The following DYNC2H1 variants were observed in gnomAD, a reference collection of about 807,000 sequenced individuals.
DYNC2H1 encodes dynein cytoplasmic 2 heavy chain 1.
A neutral mutation model predicts 570.0 loss-of-function variants in DYNC2H1; 410 were observed. That is an observed-to-expected ratio of 0.72 (90% confidence interval 0.66 to 0.78). DYNC2H1 has a LOEUF of 0.78. Among genes scored for constraint, DYNC2H1 ranks in the 30% least tolerant of loss-of-function variants. The probability of loss-of-function intolerance (pLI) is 0.00; values close to 1 mark genes in which losing one functional copy is unlikely to be tolerated. For synonymous variants in DYNC2H1, 1,688 were observed against 1,677.6 expected (o/e 1.01, Z -0.15); for missense variants, 4,865 against 5,046.4 (o/e 0.96, Z 1.09).
In DYNC2H1 at chr11:103,416,104, A is replaced by T. The variant is rs116831991; in HGVS notation, c.12366+16232A>T. Among the ~76,000 whole-genome samples the T allele has an allele frequency of 5.6e-3, 856 of 152,304 alleles. 6 individuals are homozygous for T. Among genetic ancestry groups the T allele is most frequent in the African/African-American group, 0.02 (817 of 41,560 alleles). ...TCATAGGTGGGAATTGAACATTGAA[A>T]TCACCTGGACACAGGAAGGGAACCA... On this transcript the variant is annotated intron_variant, in intron 84 of 88. Coordinates refer to ENST00000375735, the MANE Select transcript of DYNC2H1 (RefSeq NM_001377.3).
chr11:103,206,757 C>T (rs1862941354), intron 52 of DYNC2H1, among the ~76,000 whole-genome samples: 1 of 152,048 alleles, frequency 6.6e-6, no homozygotes, highest in Non-Finnish European at 1.5e-5. Context: ...TCGTTGGTGA[C>T]TTTGATGGAG....
chr11:103,190,366 A>C (rs986003420), intron 45 of DYNC2H1, among the ~76,000 whole-genome samples: 1 of 152,212 alleles, frequency 6.6e-6, no homozygotes, highest in African/African-American at 2.4e-5. Context: ...TCGCAGTCTA[A>C]TGAGGGGCTG....
At chr11:103,130,100 A>G (rs1266713203) in intron 13 of DYNC2H1, among the ~76,000 whole-genome samples, 3 of 152,202 alleles carry the variant, frequency 2.0e-5, no homozygotes, top group African/African-American at 7.2e-5. Flanking sequence ...TATTTTTTGC[A>G]GCAACAAATT....
chr11:103,454,941 T>G (rs1944734209), intron 85 of DYNC2H1: 1 of 414,884 alleles, frequency 2.4e-6, no homozygotes, highest in Non-Finnish European at 4.3e-6. Flanking sequence ...TTTTGGACTT[T>G]TTATTTTGAG....
rs1412045879 is a variant in DYNC2H1 at position 103,319,642 on chromosome 11, ATTTGT to A, written c.11726-1382_11726-1378del. 3.9e-5 allele frequency among the ~76,000 whole-genome samples: 6 copies of A among 152,182 alleles called. No homozygotes were observed. Among genetic ancestry groups the A allele is most frequent in the Non-Finnish European group, 5.9e-5 (4 of 68,010 alleles). On this transcript the variant is annotated intron_variant, in intron 80 of 88. Transcript: ENST00000375735. The surrounding 1 kb of genome is among the most constrained non-coding windows in gnomAD (Gnocchi z 4.3). ...TTTATTTTATCCTGAACAACATAAA[ATTTGT>A]TTTGAGAAAAATAGGTAGAAAAAAA... is the stretch of plus-strand genomic sequence containing the variant.
intron 52 of DYNC2H1, among the ~76,000 whole-genome samples, chr11:103,207,406 C>A (rs746815696): frequency 6.6e-6 from 1 of 151,750 alleles, no homozygotes; most frequent in Non-Finnish European, 1.5e-5. Flanking sequence ...AATTAAGGAT[C>A]GGCATTTCCT....
intron 84 of DYNC2H1, among the ~76,000 whole-genome samples, chr11:103,413,871 T>TAATAGAATACA (rs1427639671): frequency 2.0e-5 from 3 of 152,238 alleles, no homozygotes; most frequent in Non-Finnish European, 4.4e-5. Flanking sequence ...CATCCCAAGT[T>TAATAGAATACA]AATAGAATAC....
Position 103,133,790 on chromosome 11 carries a change from T to G in DYNC2H1, c.2106+83T>G. ...AAGATACAATTTTTAAAAACTTATT[T>G]TGAAATAATTTGAGACTTAAAGTTA... is the stretch of plus-strand genomic sequence containing the variant. On this transcript the variant is annotated intron_variant, in intron 14 of 88. Transcript: ENST00000375735. The surrounding 1 kb of genome is among the most constrained non-coding windows in gnomAD (Gnocchi z 4.8). 1 of 1,355,518 alleles carries G rather than the reference T, an allele frequency of 7.4e-7. No individual in the cohort carries two copies. The allele number at this position is 1,355,518 out of a possible 1,614,324, so 84.0% of individuals were successfully genotyped here. A position where few individuals can be genotyped will look rare whatever the true frequency, so the allele number is the denominator to read the frequency against.
At chr11:103,452,341 A>ATT (rs397954360) in intron 85 of DYNC2H1, among the ~76,000 whole-genome samples, 189 of 148,760 alleles carry the variant, frequency 1.3e-3, no homozygotes, top group East Asian at 2.9e-3. Flanking sequence ...GAATCACTTA[A>ATT]TTTTTTTTTT....
rs754990231 is a variant in DYNC2H1, at chr11:103,109,534, TCCTTCCC to T, written c.-31_-25del. On this transcript the variant is annotated 5_prime_UTR_variant, in exon 1 of 89. Transcript: ENST00000375735. ...ACTTCCCTCCGGACTGGTTTCTTCT[TCCTTCCC>T]CCTTCCCCCAACTTCCCTCCACCCC... is the stretch of plus-strand genomic sequence containing the variant. 408 of 1,585,262 alleles carry T rather than the reference TCCTTCCC, an allele frequency of 2.6e-4. No homozygotes were observed. Among genetic ancestry groups the T allele is most frequent in the Non-Finnish European group, 3.3e-4 (384 of 1,160,928 alleles).
In DYNC2H1 at chr11:103,201,005, T is replaced by A. The variant is rs1862698340; in HGVS notation, c.8197+851T>A. On this transcript the variant is annotated intron_variant, in intron 50 of 88. Coordinates refer to ENST00000375735, the MANE Select transcript of DYNC2H1 (RefSeq NM_001377.3). This position sits in a 1 kb window ranked among gnomAD's most constrained non-coding sequence, Gnocchi z 4.8. ...CCATGCCTGGCTAATTTTTGTAATT[T>A]TAGTAGAAACAGGGTTTCACCATGT... Among the ~76,000 whole-genome samples, 1 of 152,040 alleles carries A rather than the reference T, an allele frequency of 6.6e-6. No individual in the cohort carries two copies. The highest frequency in any genetic ancestry group is 2.4e-5 in the African/African-American group (1 of 41,396).
At position 103,254,519 on chromosome 11, in the gene DYNC2H1, T is replaced by C. The variant is rs866325169; in HGVS notation, c.10207-896T>C. Among the ~76,000 whole-genome samples, 35 of 152,232 alleles carry C rather than the reference T, an allele frequency of 2.3e-4. No homozygotes were observed. Among genetic ancestry groups the C allele is most frequent in the African/African-American group, 7.2e-4 (30 of 41,466 alleles). On this transcript the variant is annotated intron_variant, in intron 66 of 88. Transcript: ENST00000375735. The surrounding 1 kb of genome is among the most constrained non-coding windows in gnomAD (Gnocchi z 4.9). ...ATACAACTTGCTGATTTAAAATGTA[T>C]AATTCAATGGTTTTTTTAGTGGAAT...
At chr11:103,396,414 C>G (rs753732415) in intron 83 of DYNC2H1, among the ~76,000 whole-genome samples, 3 of 152,192 alleles carry the variant, frequency 2.0e-5, no homozygotes, top group Admixed American at 6.5e-5. Flanking sequence ...TGAGTAGTTG[C>G]AACAGAGACC....
chr11:103,399,952 C>A, intron 84 of DYNC2H1, 80 bp downstream of exon 84: 2 of 1,232,534 alleles, frequency 1.6e-6, no homozygotes, highest in Non-Finnish European at 2.3e-6. Flanking sequence ...TGTCAGGAAT[C>A]ATATAGTTAA....
intron 75 of DYNC2H1, among the ~76,000 whole-genome samples, chr11:103,296,401 G>A (rs72975607): frequency 0.037 from 5,707 of 152,228 alleles, 139 homozygotes; most frequent in Non-Finnish European, 0.051. Context: ...CAATTAACAT[G>A]TTCCCAAATT....
intron 59 of DYNC2H1, among the ~76,000 whole-genome samples, chr11:103,224,219 G>T (rs557705022): frequency 1.4e-3 from 217 of 150,420 alleles, no homozygotes; most frequent in African/African-American, 5.2e-3. Flanking sequence ...TATCTCTTTT[G>T]TTCTAAATGC....
chr11:103,116,432 A>T, intron 4 of DYNC2H1, 138 bp from the exon 5 acceptor site: 1 of 500,750 alleles, frequency 2.0e-6, no homozygotes, highest in Non-Finnish European at 3.2e-6. Flanking sequence ...AAGTAGTTAT[A>T]AGCTGTTAGA....
chr11:103,171,359 G>A (rs746140358), intron 34 of DYNC2H1, among the ~76,000 whole-genome samples: 9 of 151,864 alleles, frequency 5.9e-5, no homozygotes, highest in Non-Finnish European at 1.0e-4. Context: ...AGGTTCAAGC[G>A]ATTCTCCTGC....
At chr11:103,146,010 T>A (rs1383295520) in intron 18 of DYNC2H1, among the ~76,000 whole-genome samples, 1 of 152,192 alleles carries the variant, frequency 6.6e-6, no homozygotes, top group African/African-American at 2.4e-5. Context: ...CATATCTTCA[T>A]GTATCAAGTA....
Sources: gnomAD v4.1 joint callset for allele counts (sites outside exome capture counted in the v4.1 genomes callset) on GRCh38, gnomAD v4.1.1 for gene constraint, Gnocchi (gnomAD v3.1) non-coding constraint, MANE v1.5 for transcripts, NCBI Gene and HGNC (gene_info 2026-07-23, HGNC 2026-07-21) for gene names.